Variants in SPPL3 observed in about 807,000 individuals in gnomAD.
The protein encoded by SPPL3 is signal peptide peptidase like 3.
In SPPL3, 5 loss-of-function variants were observed where a neutral mutation model predicts 42.4. That is an observed-to-expected ratio of 0.12 (90% confidence interval 0.06 to 0.25). The LOEUF is 0.25. SPPL3 is among the 10% of genes least tolerant of loss of function. The probability of loss-of-function intolerance (pLI) is 1.00; values close to 1 mark genes in which losing one functional copy is unlikely to be tolerated. For synonymous variants in SPPL3, 195 were observed against 181.8 expected (o/e 1.07, Z -0.58); for missense variants, 235 against 489.0 (o/e 0.48, Z 4.90).
chr12:120,796,132 T>C (rs1870087773), intron 2 of SPPL3, among the ~76,000 whole-genome samples: 1 of 152,144 alleles, frequency 6.6e-6, no homozygotes, highest in Non-Finnish European at 1.5e-5. Context: ...TCCCAGCACT[T>C]TGGGAGGCTA....
At chr12:120,788,849 G>C (rs2136983337) in intron 3 of SPPL3, among the ~76,000 whole-genome samples, 2 of 152,102 alleles carry the variant, frequency 1.3e-5, no homozygotes, top group African/African-American at 4.8e-5. Flanking sequence ...TAATCATCCA[G>C]GACTTCCATC....
At chr12:120,868,773 C>T (rs140451136) in intron 1 of SPPL3, among the ~76,000 whole-genome samples, 32 of 152,288 alleles carry the variant, frequency 2.1e-4, no homozygotes, top group African/African-American at 6.7e-4. Flanking sequence ...AGCCACCATG[C>T]CCGGCCAATG....
At chr12:120,819,768 TAAC>T (rs1870994794) in intron 1 of SPPL3, among the ~76,000 whole-genome samples, 1 of 152,264 alleles carries the variant, frequency 6.6e-6, no homozygotes, top group African/African-American at 2.4e-5. Flanking sequence ...GGTTAAAACT[TAAC>T]AAAAGAAACT....
At chr12:120,783,832 C>T (rs1324592334) in intron 4 of SPPL3, 80 bp from the exon 5 acceptor site, 2 of 1,209,862 alleles carry the variant, frequency 1.7e-6, no homozygotes, top group African/African-American at 1.5e-5. Context: ...TTCCGCCAAA[C>T]ACTAGACAAG....
At chr12:120,840,802 C>G (rs1332509298) in intron 1 of SPPL3, among the ~76,000 whole-genome samples, 2 of 151,634 alleles carry the variant, frequency 1.3e-5, no homozygotes, top group African/African-American at 4.8e-5. Context: ...ATTACACACC[C>G]CAGCCTGGGC....
intron 1 of SPPL3, among the ~76,000 whole-genome samples, chr12:120,852,964 G>A (rs1043989979): frequency 1.3e-5 from 2 of 148,238 alleles, no homozygotes; most frequent in Admixed American, 6.8e-5. Flanking sequence ...GTGCATTCTC[G>A]GCTTACTGCA....
At position 120,873,289 on chromosome 12, in the gene SPPL3, A is replaced by G. The variant is rs570807932; in HGVS notation, c.23+30556T>C. ...CAGTGAAGACTGAAAAAATATTAAC[A>G]AAGCCTAAGTAACCTGTGGAACACG... On this transcript the variant is annotated intron_variant, in intron 1 of 10. Transcript: ENST00000353487. Among the ~76,000 whole-genome samples, 5 of 152,340 alleles carry G rather than the reference A, an allele frequency of 3.3e-5. No homozygotes were observed. The South Asian group carries it at 1.0e-3, about 32-fold the overall frequency.
At chr12:120,843,701 C>T (rs562992883) in intron 1 of SPPL3, among the ~76,000 whole-genome samples, 7 of 152,252 alleles carry the variant, frequency 4.6e-5, no homozygotes, top group South Asian at 2.1e-4. Flanking sequence ...GCCTGTAATT[C>T]CAGCACTCTG....
intron 1 of SPPL3, among the ~76,000 whole-genome samples, chr12:120,836,879 A>G (rs1871638081): frequency 1.3e-5 from 2 of 152,324 alleles, no homozygotes; most frequent in South Asian, 4.1e-4. Context: ...GGGTATCTGA[A>G]TAAGATAAAT....
intron 3 of SPPL3, among the ~76,000 whole-genome samples, chr12:120,789,135 G>A (rs1355762748): frequency 2.0e-5 from 3 of 152,176 alleles, no homozygotes; most frequent in Admixed American, 2.0e-4. Context: ...GGATAATTTA[G>A]TACAACATAG....
intron 2 of SPPL3, among the ~76,000 whole-genome samples, chr12:120,796,090 T>C (rs368854625): frequency 7.2e-5 from 11 of 152,264 alleles, no homozygotes; most frequent in African/African-American, 2.6e-4. Context: ...ATAATCTCCA[T>C]GTTGGCCAGG....
At chr12:120,836,914 GATT>G (rs1871638911) in intron 1 of SPPL3, among the ~76,000 whole-genome samples, 1 of 152,164 alleles carries the variant, frequency 6.6e-6, no homozygotes, top group South Asian at 2.1e-4. Context: ...CCAATATCCT[GATT>G]GTGTTGTTAA....
At chr12:120,855,712 GA>G (rs1308968315) in intron 1 of SPPL3, among the ~76,000 whole-genome samples, 1 of 151,200 alleles carries the variant, frequency 6.6e-6, no homozygotes, top group Non-Finnish European at 1.5e-5. Context: ...AAAAAGAAAA[GA>G]AAAGAAAAAC....
intron 1 of SPPL3, among the ~76,000 whole-genome samples, chr12:120,847,980 G>C (rs764580107): frequency 1.3e-5 from 2 of 151,988 alleles, no homozygotes; most frequent in African/African-American, 4.8e-5. Flanking sequence ...CTGAATGTCT[G>C]GTGACAGAAA....
chr12:120,780,763 A>G (rs34572045), intron 6 of SPPL3, among the ~76,000 whole-genome samples: 1 of 151,528 alleles, frequency 6.6e-6, no homozygotes, highest in South Asian at 2.1e-4. Flanking sequence ...CAAAACAAAA[A>G]TTAGCTGGGC....
intron 1 of SPPL3, among the ~76,000 whole-genome samples, chr12:120,891,478 AAAAAG>A (rs1177024421): frequency 6.6e-6 from 1 of 152,182 alleles, no homozygotes; most frequent in Non-Finnish European, 1.5e-5. Context: ...AAATGAGCTG[AAAAAG>A]AAAACAGACT....
intron 1 of SPPL3, among the ~76,000 whole-genome samples, chr12:120,890,885 G>A (rs772552766): frequency 2.0e-5 from 3 of 152,148 alleles, no homozygotes; most frequent in Admixed American, 6.5e-5. Context: ...GCCGAAACCC[G>A]ATGCTCTCAA....
At chr12:120,835,893 G>A (rs148048710) in intron 1 of SPPL3, among the ~76,000 whole-genome samples, 6 of 152,272 alleles carry the variant, frequency 3.9e-5, no homozygotes, top group African/African-American at 1.2e-4. Context: ...GATTTGGTTG[G>A]TAACTTAAAT....
chr12:120,874,808 C>G (rs1229660752), intron 1 of SPPL3, among the ~76,000 whole-genome samples: 1 of 151,804 alleles, frequency 6.6e-6, no homozygotes, highest in Non-Finnish European at 1.5e-5. Flanking sequence ...GGTGGTTATG[C>G]ACCTTCTCCT....
Sources: gnomAD v4.1 joint callset for allele counts (sites outside exome capture counted in the v4.1 genomes callset) on GRCh38, gnomAD v4.1.1 for gene constraint, MANE v1.5 for transcripts, NCBI Gene and HGNC (gene_info 2026-07-23, HGNC 2026-07-21) for gene names.